TENM3: variants seen among roughly 807,000 people sequenced by gnomAD.
TENM3 encodes teneurin transmembrane protein 3, also known as teneurin-3.
TENM3 carries 63 observed loss-of-function variants against 255.1 expected under a neutral mutation model. The ratio of observed to expected loss-of-function variants is 0.25; its 90% CI spans 0.20 to 0.30. The LOEUF (loss-of-function observed/expected upper bound fraction) is 0.30, where lower values mean the gene tolerates loss of function less well. TENM3 is among the 10% of genes least tolerant of loss of function. TENM3 has a pLI of 1.00. For synonymous variants in TENM3, 1,306 were observed against 1,322.3 expected, an observed-to-expected ratio of 0.99 and a Z score of 0.27; for missense variants, 2,929 against 3,461.1, an observed-to-expected ratio of 0.85 and a Z score of 3.86.
chr4:182,207,360 A>G (rs1366866635), intron 1 of TENM3, among the ~76,000 whole-genome samples: 1 of 152,252 alleles, frequency 6.6e-6, no homozygotes, highest in Non-Finnish European at 1.5e-5. Flanking sequence ...ATATTTTATA[A>G]CTAAGCTGGG....
chr4:181,716,879 CT>C, the TENM3 span, among the ~76,000 whole-genome samples: 1 of 152,160 alleles, frequency 6.6e-6, no homozygotes, highest in Admixed American at 6.5e-5. Context: ...TCCACCCCAC[CT>C]CTGGGTCCGC....
chr4:182,128,721 G>A, the TENM3 span, among the ~76,000 whole-genome samples: 1 of 152,012 alleles, frequency 6.6e-6, no homozygotes, highest in South Asian at 2.1e-4. Context: ...TACACAACTG[G>A]AATTGAATAT....
chr4:181,983,948 A>G, the TENM3 span, among the ~76,000 whole-genome samples: 1 of 152,090 alleles, frequency 6.6e-6, no homozygotes, highest in Admixed American at 6.6e-5. Flanking sequence ...AAAGAGAAGT[A>G]ATTTTTTCAC....
chr4:182,061,701 G>A, the TENM3 span, among the ~76,000 whole-genome samples: 41 of 152,270 alleles, frequency 2.7e-4, no homozygotes, highest in African/African-American at 7.7e-4. Context: ...GCTCACGCCC[G>A]TAATCCCAGC....
At chr4:182,158,651 A>G (rs1322866302) in intron 1 of TENM3, among the ~76,000 whole-genome samples, 1 of 152,186 alleles carries the variant, frequency 6.6e-6, no homozygotes, top group Non-Finnish European at 1.5e-5. Context: ...GTTAAGAGGC[A>G]GTAGCACTTA....
intron 3 of TENM3, among the ~76,000 whole-genome samples, chr4:182,532,472 C>G (rs907363148): frequency 6.6e-6 from 1 of 152,192 alleles, no homozygotes. Context: ...AATATCCACT[C>G]TCCTGTATTT....
intron 3 of TENM3, among the ~76,000 whole-genome samples, chr4:182,503,596 C>T (rs1439913808): frequency 1.3e-5 from 2 of 152,140 alleles, no homozygotes; most frequent in Non-Finnish European, 1.5e-5. Context: ...TTGGCAGGCT[C>T]AGGTCCACAC....
At chr4:182,024,854 G>C in the TENM3 span, among the ~76,000 whole-genome samples, 1 of 151,694 alleles carries the variant, frequency 6.6e-6, no homozygotes, top group African/African-American at 2.4e-5. Flanking sequence ...CCAGCGTCTG[G>C]TAACCATCCT....
In TENM3 at chr4:182,684,329, C is replaced by T. The variant is rs547024052; in HGVS notation, c.2035+2315C>T. Among the ~76,000 whole-genome samples, 76 of 150,314 alleles carry T rather than the reference C, an allele frequency of 5.1e-4. No homozygotes were observed. The South Asian group carries it at 8.5e-3, about 17-fold the overall frequency. On this transcript the variant is annotated intron_variant, in intron 11 of 27. Transcript: ENST00000511685. ...TTCAGTGAAGGGGTCTATCTACTTT[C>T]CTGCCCACACTGATTGCCCCCTTCT...
chr4:181,825,480 A>G, the TENM3 span, among the ~76,000 whole-genome samples: 5 of 152,054 alleles, frequency 3.3e-5, no homozygotes. Flanking sequence ...GAGAAAACTA[A>G]ATCAGGTCTT....
the TENM3 span, among the ~76,000 whole-genome samples, chr4:181,496,309 C>T: frequency 6.6e-6 from 1 of 150,954 alleles, no homozygotes; most frequent in South Asian, 2.1e-4. Context: ...CACTTATCTT[C>T]CCTTTAGTGT....
At chr4:181,949,319 G>T in the TENM3 span, among the ~76,000 whole-genome samples, 1 of 152,146 alleles carries the variant, frequency 6.6e-6, no homozygotes, top group African/African-American at 2.4e-5. Flanking sequence ...AAAGGTTTAG[G>T]TTTTATAGAC....
chr4:181,884,713 A>AT, the TENM3 span, among the ~76,000 whole-genome samples: 197 of 152,178 alleles, frequency 1.3e-3, 2 homozygotes, highest in African/African-American at 4.5e-3. Context: ...CAGTCTTTAG[A>AT]TTTTTTTCCC....
At chr4:181,466,115 T>TTTTC in the TENM3 span, among the ~76,000 whole-genome samples, 3,275 of 32,708 alleles carry the variant, frequency 0.1, 181 homozygotes, top group African/African-American at 0.18. Flanking sequence ...CAGGAATTTT[T>TTTTC]TTTTTTGTTT....
the TENM3 span, among the ~76,000 whole-genome samples, chr4:181,724,634 T>G: frequency 6.6e-6 from 1 of 152,208 alleles, no homozygotes; most frequent in African/African-American, 2.4e-5. Context: ...TGGGGGGATT[T>G]TGTTTGTTAG....
the TENM3 span, among the ~76,000 whole-genome samples, chr4:181,612,000 G>T: frequency 6.6e-6 from 1 of 152,128 alleles, no homozygotes; most frequent in Non-Finnish European, 1.5e-5. Context: ...CTTAGTTCTT[G>T]TTGCAAAAGT....
the TENM3 span, among the ~76,000 whole-genome samples, chr4:181,874,864 G>A: frequency 6.6e-6 from 1 of 152,206 alleles, no homozygotes; most frequent in Non-Finnish European, 1.5e-5. Context: ...CTGCCACAAG[G>A]CAGGGAGCCA....
the TENM3 span, among the ~76,000 whole-genome samples, chr4:181,772,629 C>G: frequency 4.6e-5 from 7 of 152,044 alleles, no homozygotes; most frequent in Non-Finnish European, 1.0e-4. Flanking sequence ...GTTTTGTCAG[C>G]CAAAGTAAAA....
chr4:182,639,768 C>G (rs184366356), intron 5 of TENM3, among the ~76,000 whole-genome samples: 1 of 152,152 alleles, frequency 6.6e-6, no homozygotes, highest in African/African-American at 2.4e-5. Context: ...CCATCTCTGA[C>G]ACTTGCCTTT....
Sources: allele counts gnomAD v4.1 joint callset (sites outside exome capture counted in the v4.1 genomes callset), GRCh38; gene constraint gnomAD v4.1.1; transcripts MANE v1.5; gene names NCBI Gene and HGNC (gene_info 2026-07-23, HGNC 2026-07-21).